Variants in PAPPA2 observed in about 807,000 individuals in gnomAD.
PAPPA2 encodes the protein pappalysin-2.
PAPPA2 carries 86 observed loss-of-function variants against 176.4 expected under a neutral mutation model. That is an observed-to-expected ratio of 0.49 (90% confidence interval 0.41 to 0.58). The LOEUF (loss-of-function observed/expected upper bound fraction) is 0.58. PAPPA2 is among the 20% of genes least tolerant of loss of function. The pLI, the probability that PAPPA2 is intolerant of heterozygous loss-of-function variation, is 0.00. For missense variants in PAPPA2, 2,073 were observed against 2,256.9 expected (o/e 0.92, Z 1.65); for synonymous variants, 809 against 852.2 (o/e 0.95, Z 0.88).
intron 1 of PAPPA2, among the ~76,000 whole-genome samples, chr1:176,538,558 A>G (rs938633789): frequency 1.1e-4 from 16 of 152,184 alleles, no homozygotes; most frequent in Non-Finnish European, 4.4e-5. Context: ...ACAAGGTCTC[A>G]TGATTGCTTT....
intron 21 of PAPPA2, chr1:176,836,567 C>T (rs546809461): frequency 1.3e-5 from 2 of 152,358 alleles, no homozygotes; most frequent in East Asian, 3.9e-4. Flanking sequence ...TATGGAACTA[C>T]TCCCGAGCCT....
At chr1:176,638,240 C>T (rs1054794368) in intron 3 of PAPPA2, among the ~76,000 whole-genome samples, 1 of 151,856 alleles carries the variant, frequency 6.6e-6, no homozygotes, top group African/African-American at 2.4e-5. Flanking sequence ...TGAAAATATG[C>T]ACGCCATACC....
At chr1:176,617,928 T>C (rs1169598945) in intron 3 of PAPPA2, among the ~76,000 whole-genome samples, 1 of 152,090 alleles carries the variant, frequency 6.6e-6, no homozygotes. Context: ...AATCAGGACA[T>C]CTTATTGGTT....
At chr1:176,781,365 C>CTTTTT (rs35029858) in intron 17 of PAPPA2, among the ~76,000 whole-genome samples, 1,211 of 46,418 alleles carry the variant, frequency 0.026, 44 homozygotes, top group East Asian at 0.057. Context: ...TTGTAAGGGG[C>CTTTTT]TTTTTTTTTT....
intron 1 of PAPPA2, among the ~76,000 whole-genome samples, chr1:176,487,968 C>G (rs1301105649): frequency 6.6e-6 from 1 of 152,072 alleles, no homozygotes; most frequent in Non-Finnish European, 1.5e-5. Flanking sequence ...GGATTTTAGG[C>G]AGGTAAGTAG....
At chr1:176,738,852 T>C (rs1375829078) in intron 12 of PAPPA2, among the ~76,000 whole-genome samples, 2 of 152,118 alleles carry the variant, frequency 1.3e-5, no homozygotes, top group Non-Finnish European at 2.9e-5. Flanking sequence ...TTCTTTTTTT[T>C]TCTATCAAAG....
intron 1 of PAPPA2, among the ~76,000 whole-genome samples, chr1:176,514,837 C>T (rs998316379): frequency 6.6e-6 from 1 of 152,188 alleles, no homozygotes; most frequent in Non-Finnish European, 1.5e-5. Flanking sequence ...CCGGCTTGTG[C>T]ATATCTCTGG....
rs927284315 is a variant in PAPPA2 at position 176,472,984 on chromosome 1, C to G, written c.-917+9566C>G. ...ATTCTCTTACTGTCAGCATTTCACC[C>G]CAGAGCAAAACATTTGTTACAATTG... is the stretch of plus-strand genomic sequence containing the variant. On this transcript the variant is annotated intron_variant, in intron 1 of 22. Coordinates refer to ENST00000367662, the MANE Select transcript of PAPPA2 (RefSeq NM_020318.3). Among the ~76,000 whole-genome samples the G allele has an allele frequency of 7.2e-5, 11 of 152,226 alleles. No individual in the cohort carries two copies. The South Asian group carries it at 1.7e-3, about 23-fold the overall frequency.
At chr1:176,791,537 A>G (rs1665179166) in intron 19 of PAPPA2, 55 bp downstream of exon 19, 9 of 1,550,306 alleles carry the variant, frequency 5.8e-6, no homozygotes, top group Non-Finnish European at 7.9e-6. Context: ...TTTATTAAGC[A>G]CAGCTGAATT....
At chr1:176,553,094 G>A (rs1440857810) in intron 1 of PAPPA2, among the ~76,000 whole-genome samples, 1 of 152,252 alleles carries the variant, frequency 6.6e-6, no homozygotes, top group Admixed American at 6.5e-5. Flanking sequence ...TTGCTCGGGG[G>A]TGTGTATGTG....
chr1:176,635,223 G>T (rs892872881), intron 3 of PAPPA2, among the ~76,000 whole-genome samples: 1 of 152,136 alleles, frequency 6.6e-6, no homozygotes, highest in Non-Finnish European at 1.5e-5. Context: ...ATGTATATGG[G>T]TGTATATTTA....
At chr1:176,738,491 C>G (rs1353834004) in intron 12 of PAPPA2, among the ~76,000 whole-genome samples, 1 of 152,086 alleles carries the variant, frequency 6.6e-6, no homozygotes, top group Non-Finnish European at 1.5e-5. Flanking sequence ...CTCTCCTGCT[C>G]CCCACTTTTA....
At position 176,758,367 on chromosome 1, in the gene PAPPA2, CT is replaced by C. The variant is rs201015634; in HGVS notation, c.4152-7292del. ...GCAGAATGGGGAGTCAGAATCAAGA[CT>C]TTTTTTCTCTATTAGTTTGGATAAA... On this transcript the variant is annotated intron_variant, in intron 14 of 22. Coordinates refer to ENST00000367662, the MANE Select transcript of PAPPA2 (RefSeq NM_020318.3). Among the ~76,000 whole-genome samples the C allele has an allele frequency of 9.6e-3, 1,463 of 152,224 alleles. 27 individuals carry two copies. The highest frequency in any genetic ancestry group is 0.033 in the African/African-American group (1,353 of 41,524).
In PAPPA2 at chr1:176,471,211, G is replaced by A. The variant is rs375577000; in HGVS notation, c.-917+7793G>A. On this transcript the variant is annotated intron_variant, in intron 1 of 22. Transcript: ENST00000367662. The stretch of plus-strand genomic sequence containing the variant: ...TTCTGAGCTTGACTGTCTTGGGCCT[G>A]AGGGATTTGAGGTGCTGCCACCGGA... Among the ~76,000 whole-genome samples the A allele has an allele frequency of 2.7e-4, 41 of 152,230 alleles. No individual in the cohort carries two copies. The East Asian group carries it at 5.0e-3, about 19-fold the overall frequency.
At chr1:176,778,003 C>G (rs1449524304) in intron 17 of PAPPA2, among the ~76,000 whole-genome samples, 1 of 151,196 alleles carries the variant, frequency 6.6e-6, no homozygotes, top group African/African-American at 2.4e-5. Flanking sequence ...TGTCTCCCAT[C>G]TGTTGTTGGT....
chr1:176,655,160 G>C (rs1657959574), intron 3 of PAPPA2, among the ~76,000 whole-genome samples: 1 of 151,818 alleles, frequency 6.6e-6, no homozygotes, highest in Non-Finnish European at 1.5e-5. Flanking sequence ...CTTGTTGAAA[G>C]GAATGCTTTC....
chr1:176,648,450 G>C (rs1657536293), intron 3 of PAPPA2, among the ~76,000 whole-genome samples: 1 of 151,356 alleles, frequency 6.6e-6, no homozygotes, highest in Non-Finnish European at 1.5e-5. Flanking sequence ...AACTGTTCTG[G>C]CCAGTACTTT....
At chr1:176,533,492 CCTT>C (rs1439087643) in intron 1 of PAPPA2, among the ~76,000 whole-genome samples, 4 of 152,232 alleles carry the variant, frequency 2.6e-5, no homozygotes, top group African/African-American at 7.2e-5. Context: ...TCAGACCACT[CCTT>C]CTGGATCTAT....
At chr1:176,668,985 G>T (rs1658831342) in intron 3 of PAPPA2, among the ~76,000 whole-genome samples, 1 of 152,084 alleles carries the variant, frequency 6.6e-6, no homozygotes, top group African/African-American at 2.4e-5. Context: ...CCCTCGGAGG[G>T]TGCTCAAGAT....
Sources: allele counts gnomAD v4.1 joint callset (sites outside exome capture counted in the v4.1 genomes callset), GRCh38; gene constraint gnomAD v4.1.1; transcripts MANE v1.5; gene names NCBI Gene and HGNC (gene_info 2026-07-23, HGNC 2026-07-21).